Variants in ADAM20 observed in about 807,000 individuals in gnomAD.
The protein encoded by ADAM20 is disintegrin and metalloproteinase domain-containing protein 20.
For missense variants in ADAM20, 871 were observed against 883.2 expected (o/e 0.99, Z 0.18); for synonymous variants, 305 against 310.2 (o/e 0.98, Z 0.18).
the ADAM20 span, among the ~76,000 whole-genome samples, chr14:70,557,901 T>C: frequency 1.3e-5 from 2 of 152,236 alleles, no homozygotes; most frequent in African/African-American, 4.8e-5. Context: ...GCAGATTTTC[T>C]TGGTTCCTTG....
the ADAM20 span, among the ~76,000 whole-genome samples, chr14:70,577,404 CA>C: frequency 6.6e-6 from 1 of 152,020 alleles, no homozygotes; most frequent in Non-Finnish European, 1.5e-5. Context: ...ATGCTCCTCC[CA>C]AAAAAGTACA....
Position 70,524,752 on chromosome 14 carries a change from T to G in ADAM20, c.6A>C (p.Ala2=), listed in dbSNP as rs866351370. The G allele has an allele frequency of 6.2e-7, 1 of 1,613,882 alleles. No homozygotes were observed. The highest frequency in any genetic ancestry group is 1.3e-5 in the African/African-American group (1 of 75,018). The part of the protein sequence containing the change: M[A]VGEPLVHIRV... Reference sequence around the variant, plus strand: ...TGATGTGCACCAGGGGCTCACCCACTGCCATTATGAAGCTGTCATTATGGA... The same window carrying G: ...TGATGTGCACCAGGGGCTCACCCACGGCCATTATGAAGCTGTCATTATGGA... Residue 2 remains alanine, a synonymous_variant, in exon 2 of 2, where the codon GCA becomes GCC. Transcript: ENST00000256389.
chr14:70,556,326 T>C, the ADAM20 span: 1 of 152,362 alleles, frequency 6.6e-6, no homozygotes, highest in Non-Finnish European at 1.5e-5. Flanking sequence ...CCTAAAAGGC[T>C]CTTCCTTTCC....
intron 1 of ADAM20, among the ~76,000 whole-genome samples, chr14:70,533,283 A>C (rs1595023039): frequency 6.6e-6 from 1 of 152,204 alleles, no homozygotes; most frequent in South Asian, 2.1e-4. Flanking sequence ...TCATTCTACT[A>C]TAAAGACACA....
chr14:70,562,303 C>G, the ADAM20 span, among the ~76,000 whole-genome samples: 2 of 152,160 alleles, frequency 1.3e-5, no homozygotes, highest in African/African-American at 4.8e-5. Flanking sequence ...GCCAATTTCT[C>G]CCATTTTGAA....
At chr14:70,570,093 T>C in the ADAM20 span, among the ~76,000 whole-genome samples, 4 of 151,838 alleles carry the variant, frequency 2.6e-5, no homozygotes, top group Non-Finnish European at 1.5e-5. Flanking sequence ...ACTGAAATCA[T>C]ATCAAGTATC....
the ADAM20 span, among the ~76,000 whole-genome samples, chr14:70,546,729 C>T: frequency 1.3e-5 from 2 of 151,898 alleles, no homozygotes; most frequent in South Asian, 4.2e-4. Context: ...AATAAACAAC[C>T]TAACAATGCA....
chr14:70,558,687 A>G, the ADAM20 span, among the ~76,000 whole-genome samples: 1 of 152,244 alleles, frequency 6.6e-6, no homozygotes, highest in Non-Finnish European at 1.5e-5. Context: ...ATGAAGTAAA[A>G]ATAAATAAAA....
At chr14:70,542,708 G>A in the ADAM20 span, among the ~76,000 whole-genome samples, 8 of 152,212 alleles carry the variant, frequency 5.3e-5, no homozygotes, top group East Asian at 1.5e-3. Context: ...GGAGGCCAAG[G>A]TGGGCGGATC....
At chr14:70,533,633 G>A (rs1883763236) in intron 1 of ADAM20, among the ~76,000 whole-genome samples, 1 of 151,960 alleles carries the variant, frequency 6.6e-6, no homozygotes, top group South Asian at 2.1e-4. Context: ...AGAGCATTAG[G>A]GCAAATACCT....
the ADAM20 span, among the ~76,000 whole-genome samples, chr14:70,572,472 T>C: frequency 6.6e-6 from 1 of 152,168 alleles, no homozygotes; most frequent in Admixed American, 6.5e-5. Flanking sequence ...AAGACTCAAC[T>C]GTAAGACCTC....
At chr14:70,534,125 C>T (rs376647235) in intron 1 of ADAM20, among the ~76,000 whole-genome samples, 31 of 146,808 alleles carry the variant, frequency 2.1e-4, no homozygotes, top group Non-Finnish European at 3.7e-4. Flanking sequence ...CACACACACA[C>T]GCACACAAAA....
chr14:70,557,193 G>C, the ADAM20 span: 1 of 152,150 alleles, frequency 6.6e-6, no homozygotes, highest in Admixed American at 6.5e-5. Flanking sequence ...CCCAGGTGTT[G>C]GGGAACTATT....
the ADAM20 span, among the ~76,000 whole-genome samples, chr14:70,553,525 T>TAAAAAAAAAAAAAA: frequency 1.8e-5 from 1 of 57,010 alleles, no homozygotes; most frequent in Non-Finnish European, 3.4e-5. Context: ...GCAAAAATCC[T>TAAAAAAAAAAAAAA]AAAAAAAAAA....
chr14:70,576,627 A>G, the ADAM20 span, among the ~76,000 whole-genome samples: 1 of 152,154 alleles, frequency 6.6e-6, no homozygotes, highest in Non-Finnish European at 1.5e-5. Flanking sequence ...GATACTAACA[A>G]GCAGATGGCA....
At chr14:70,546,379 T>C in the ADAM20 span, among the ~76,000 whole-genome samples, 1 of 152,192 alleles carries the variant, frequency 6.6e-6, no homozygotes, top group African/African-American at 2.4e-5. Flanking sequence ...CTTGGTTTTA[T>C]ACATTTTAGG....
At chr14:70,545,973 C>T in the ADAM20 span, among the ~76,000 whole-genome samples, 1 of 152,118 alleles carries the variant, frequency 6.6e-6, no homozygotes, top group South Asian at 2.1e-4. Flanking sequence ...AGTCTGAAAA[C>T]ATTCAAAAAA....
At chr14:70,536,949 A>G (rs1195644287), upstream of ADAM20, among the ~76,000 whole-genome samples, 1 of 151,966 alleles carries the variant, frequency 6.6e-6, no homozygotes, top group East Asian at 1.9e-4. Context: ...CTAACCAAAA[A>G]AAAAAAAAAA....
chr14:70,565,600 G>A, the ADAM20 span, among the ~76,000 whole-genome samples: 1 of 152,160 alleles, frequency 6.6e-6, no homozygotes, highest in Admixed American at 6.5e-5. Context: ...AAGAGAGTGA[G>A]ATGATATATA....
Sources: gnomAD v4.1 joint callset for allele counts (sites outside exome capture counted in the v4.1 genomes callset) on GRCh38, gnomAD v4.1.1 for gene constraint, MANE v1.5 for transcripts, NCBI Gene and HGNC (gene_info 2026-07-23, HGNC 2026-07-21) for gene names.